The following CACNA2D3 variants were observed in gnomAD, a reference collection of about 807,000 sequenced individuals.
CACNA2D3 encodes voltage-dependent calcium channel subunit alpha-2/delta-3.
In CACNA2D3, 60 loss-of-function variants were observed where a neutral mutation model predicts 160.6. The observed-to-expected ratio is 0.37, with a 90% CI of 0.30 to 0.46. The LOEUF (loss-of-function observed/expected upper bound fraction) is 0.46, where lower values mean the gene tolerates loss of function less well. Ranked by LOEUF, CACNA2D3 falls within the 20% of genes least tolerant of loss-of-function variation. The pLI, the probability that CACNA2D3 is intolerant of heterozygous loss-of-function variation, is 1.00. For synonymous variants in CACNA2D3, 558 were observed against 492.9 expected (o/e 1.13, Z -1.75); for missense variants, 1,205 against 1,365.0 (o/e 0.88, Z 1.85).
chr3:54,876,075 G>A (rs1223514193), intron 18 of CACNA2D3, among the ~76,000 whole-genome samples: 1 of 152,096 alleles, frequency 6.6e-6, no homozygotes, highest in African/African-American at 2.4e-5. Context: ...AACTTGTTTG[G>A]AAATTTTCCT....
chr3:54,756,107 A>G (rs1401135332), intron 12 of CACNA2D3, among the ~76,000 whole-genome samples: 2 of 152,348 alleles, frequency 1.3e-5, no homozygotes, highest in East Asian at 3.9e-4. Flanking sequence ...AGTTCTGAGT[A>G]CAGCAGTGCA....
At chr3:54,340,668 G>T (rs925767868) in intron 3 of CACNA2D3, among the ~76,000 whole-genome samples, 4 of 152,184 alleles carry the variant, frequency 2.6e-5, no homozygotes, top group African/African-American at 9.7e-5. Flanking sequence ...CTGGTGAAGT[G>T]GAGCTTGTTC....
In CACNA2D3 at chr3:54,752,670, C is replaced by T. The variant is rs1701882048; in HGVS notation, c.1239C>T (p.Ala413=). The T allele has an allele frequency of 1.2e-6, 2 of 1,611,918 alleles. No individual in the cohort carries two copies. Among genetic ancestry groups the T allele is most frequent in the African/African-American group, 1.3e-5 (1 of 74,986 alleles). ...FADNLKWMAC[A]NKGFFTQIST... The stretch of plus-strand genomic sequence containing the variant: ...ACAATCTAAAGTGGATGGCCTGTGC[C>T]AACAAAGGTGGGTCTTCGCATTGTG... Residue 413 remains alanine (A), a synonymous_variant, in exon 12 of 38, where the codon GCC becomes GCT. Coordinates refer to ENST00000474759, the MANE Select transcript of CACNA2D3 (RefSeq NM_018398.3).
intron 2 of CACNA2D3, among the ~76,000 whole-genome samples, chr3:54,296,154 T>C (rs1174030058): frequency 2.0e-5 from 3 of 152,142 alleles, no homozygotes. Flanking sequence ...GGGATGACAT[T>C]TGGAAGACGC....
intron 2 of CACNA2D3, among the ~76,000 whole-genome samples, chr3:54,198,766 G>A (rs1358584696): frequency 6.6e-6 from 1 of 152,270 alleles, no homozygotes; most frequent in Non-Finnish European, 1.5e-5. Context: ...TGGCGTCCTT[G>A]CAGCCCCAGG....
At chr3:54,375,123 C>T (rs143756578) in intron 3 of CACNA2D3, among the ~76,000 whole-genome samples, 116 of 152,212 alleles carry the variant, frequency 7.6e-4, no homozygotes, top group Middle Eastern at 6.8e-3. Context: ...CTTCTTGTAC[C>T]ATACGTGAGG....
chr3:54,939,464 A>T (rs576907091), intron 27 of CACNA2D3, among the ~76,000 whole-genome samples: 4 of 152,308 alleles, frequency 2.6e-5, no homozygotes, highest in Admixed American at 2.6e-4. Flanking sequence ...AAGGGCCAAG[A>T]CATTCACCTT....
intron 4 of CACNA2D3, among the ~76,000 whole-genome samples, chr3:54,439,846 C>T (rs1700116177): frequency 6.6e-6 from 1 of 152,140 alleles, no homozygotes; most frequent in South Asian, 2.1e-4. Context: ...CGTCTGCCCT[C>T]TTTCCCCCTC....
At chr3:54,708,613 G>C (rs1383248479) in intron 11 of CACNA2D3, among the ~76,000 whole-genome samples, 2 of 152,196 alleles carry the variant, frequency 1.3e-5, no homozygotes, top group Non-Finnish European at 2.9e-5. Context: ...AGGAGGTAGA[G>C]AGTTGGGCTA....
At position 54,739,442 on chromosome 3, in the gene CACNA2D3, C is replaced by CA. The variant is rs1225022879; in HGVS notation, c.1168-13146dup. Among the ~76,000 whole-genome samples, 1,059 of 113,284 alleles carry CA rather than the reference C, an allele frequency of 9.3e-3. 12 individuals are homozygous for CA. Among genetic ancestry groups the CA allele is most frequent in the South Asian group, 0.027 (91 of 3,342 alleles). The allele number at this position is 113,284 out of a possible 152,430, so 74.3% of individuals were successfully genotyped here. A position where few individuals can be genotyped will look rare whatever the true frequency, so the allele number is the denominator to read the frequency against. ...CTCTGTCTCAAAAAAAAAAAAAAAA[C>CA]AAAAAAAAAAACCACACACACACAC... is the stretch of plus-strand genomic sequence containing the variant. On this transcript the variant is annotated intron_variant, in intron 11 of 37. Coordinates refer to ENST00000474759, the MANE Select transcript of CACNA2D3 (RefSeq NM_018398.3).
intron 12 of CACNA2D3, among the ~76,000 whole-genome samples, chr3:54,756,570 A>T (rs1376559136): frequency 6.6e-6 from 1 of 152,170 alleles, no homozygotes; most frequent in Non-Finnish European, 1.5e-5. Flanking sequence ...CTGCAGTGAA[A>T]TGAAGCATTA....
intron 9 of CACNA2D3, among the ~76,000 whole-genome samples, chr3:54,601,396 C>G (rs984114431): frequency 4.6e-5 from 7 of 152,038 alleles, no homozygotes; most frequent in Admixed American, 1.3e-4. Flanking sequence ...TTTATAGAAA[C>G]GGGGTCCTGC....
chr3:54,429,054 C>A (rs1387205526), intron 4 of CACNA2D3, among the ~76,000 whole-genome samples: 1 of 152,054 alleles, frequency 6.6e-6, no homozygotes, highest in Admixed American at 6.6e-5. Context: ...GAGGAAGATG[C>A]GATGGTTTGG....
intron 2 of CACNA2D3, among the ~76,000 whole-genome samples, chr3:54,306,317 G>A (rs932573336): frequency 2.6e-5 from 4 of 152,098 alleles, no homozygotes; most frequent in Admixed American, 1.3e-4. Context: ...GTCATTTTAT[G>A]TGTGTGTATA....
chr3:55,040,616 CTGAGGCTGCAATGATCTATGATCA>C (rs1290847938), intron 35 of CACNA2D3, among the ~76,000 whole-genome samples: 1 of 152,096 alleles, frequency 6.6e-6, no homozygotes, highest in African/African-American at 2.4e-5. Flanking sequence ...GCCCAGGAGT[CTGAGGCTGCAATGATCTATGATCA>C]TGCCACTGTG....
chr3:55,070,684 G>A (rs1369415034), intron 35 of CACNA2D3, among the ~76,000 whole-genome samples: 1 of 152,200 alleles, frequency 6.6e-6, no homozygotes, highest in Non-Finnish European at 1.5e-5. Context: ...TTTGAAAACT[G>A]AGTCAAATAT....
At chr3:54,171,147 T>TTTTTTTTTTTTTTTTTG in intron 2 of CACNA2D3, among the ~76,000 whole-genome samples, 1 of 137,154 alleles carries the variant, frequency 7.3e-6, no homozygotes, top group Non-Finnish European at 1.6e-5. Context: ...TTTTTTTTTT[T>TTTTTTTTTTTTTTTTTG]TTTTTTTTTT....
chr3:54,644,637 GA>G (rs1157922102), intron 11 of CACNA2D3, among the ~76,000 whole-genome samples: 2 of 152,162 alleles, frequency 1.3e-5, no homozygotes, highest in African/African-American at 4.8e-5. Flanking sequence ...GTTCAGGACA[GA>G]AAAAAATGAT....
chr3:54,689,721 GACACACAC>G (rs374097446), intron 11 of CACNA2D3, among the ~76,000 whole-genome samples: 2 of 150,424 alleles, frequency 1.3e-5, no homozygotes, highest in African/African-American at 4.9e-5. Flanking sequence ...TGCCGACTCT[GACACACAC>G]ACACACACAC....
Sources: gnomAD v4.1 joint callset for allele counts (sites outside exome capture counted in the v4.1 genomes callset) on GRCh38, gnomAD v4.1.1 for gene constraint, MANE v1.5 for transcripts, NCBI Gene and HGNC (gene_info 2026-07-23, HGNC 2026-07-21) for gene names.